Variants in MIA3 observed in about 807,000 individuals in gnomAD.
The protein encoded by MIA3 is transport and Golgi organization protein 1 homolog.
Under a neutral mutation model 192.4 loss-of-function variants are expected in MIA3, and 90 were observed. That is an observed-to-expected ratio of 0.47 (90% CI 0.39 to 0.56). The LOEUF is 0.56. MIA3 is among the 20% of genes least tolerant of loss of function. The pLI is 0.00. For synonymous variants in MIA3, 740 were observed against 792.8 expected, an observed-to-expected ratio of 0.93 and a Z score of 1.12; for missense variants, 2,123 against 2,269.4, an observed-to-expected ratio of 0.94 and a Z score of 1.31.
At chr1:222,654,092 T>A in intron 15 of MIA3, 151 bp from the exon 16 acceptor site, 1 of 689,440 alleles carries the variant, frequency 1.5e-6, no homozygotes, top group Middle Eastern at 4.1e-4. Flanking sequence ...AGTTTGCAGT[T>A]CTCTTAAAAG....
intron 6 of MIA3, chr1:222,641,465 C>T (rs1361872182): frequency 6.0e-6 from 3 of 497,826 alleles, no homozygotes; most frequent in Admixed American, 2.1e-5. Context: ...GCTGCTGAAT[C>T]GTCTGGCTCA....
intron 24 of MIA3, chr1:222,660,773 G>T: frequency 6.1e-6 from 1 of 162,614 alleles, no homozygotes; most frequent in Non-Finnish European, 1.3e-5. Flanking sequence ...TATGTATGTC[G>T]TGAATGCATA....
intron 5 of MIA3, 67 bp downstream of exon 5, chr1:222,632,393 T>G: frequency 7.3e-7 from 1 of 1,373,928 alleles, no homozygotes; most frequent in Non-Finnish European, 1.0e-6. Flanking sequence ...GGAGATTCAT[T>G]GTCAAAGGCA....
At chr1:222,654,548 AGCGGCTTCCT>A in intron 17 of MIA3, 69 bp downstream of exon 17, 1 of 1,555,160 alleles carries the variant, frequency 6.4e-7, no homozygotes, top group East Asian at 2.2e-5. Flanking sequence ...AAAGATAAAG[AGCGGCTTCCT>A]GCTTTCATAC....
At chr1:222,651,066 C>T (rs541126476) in intron 11 of MIA3, among the ~76,000 whole-genome samples, 163 bp downstream of exon 11, 2 of 152,244 alleles carry the variant, frequency 1.3e-5, no homozygotes, top group South Asian at 2.1e-4. Context: ...AGTACTTACA[C>T]AAGAAATTAT....
chr1:222,647,858 T>C (rs989779301), intron 7 of MIA3: 4 of 354,204 alleles, frequency 1.1e-5, no homozygotes, highest in Admixed American at 6.0e-5. Context: ...TCTGAATGCA[T>C]ATTCCTATAA....
chr1:222,633,072 CA>C (rs765283041), intron 5 of MIA3, 31 bp from the exon 6 acceptor site: 26 of 1,564,180 alleles, frequency 1.7e-5, no homozygotes, highest in Non-Finnish European at 2.0e-5. Flanking sequence ...TATTCTAAAG[CA>C]CAAAATGTCT....
chr1:222,618,116 T>C lies in MIA3; in HGVS notation c.6T>C (p.Ala2=). 6.8e-6 allele frequency: 10 copies of C among 1,473,108 alleles called. No homozygotes were observed. Among genetic ancestry groups the C allele is most frequent in the Non-Finnish European group, 9.0e-6 (10 of 1,113,224 alleles). 91.3% of individuals were successfully genotyped at this position (1,473,108 alleles called of 1,614,324 possible). A position where few individuals can be genotyped will look rare whatever the true frequency, so the allele number is the denominator to read the frequency against. The change falls in exon 1 of 28, where the codon GCT becomes GCC. Residue 2 remains alanine (A), a synonymous_variant. Transcript: ENST00000344922. M[A]AAPGLLVWLL... ...CTCCCCGAGGTGACCACAACATGGC[T>C]GCGGCGCCTGGGCTGCTCGTCTGGC...
In MIA3 at chr1:222,629,938, G is replaced by A; in HGVS notation, c.2718G>A (p.Trp906Ter). Residue 906 changes from tryptophan to a stop codon, truncating the protein, a stop_gained, in exon 4 of 28, where the codon TGG becomes TGA. Transcript: ENST00000344922. LOFTEE classifies it high-confidence loss of function. ...AACCTGAAGATGACTCGTTCCACTGGACTCCACATACAAGTGTAGAGCCAG... is the reference window on the plus strand; with the variant it reads ...AACCTGAAGATGACTCGTTCCACTGAACTCCACATACAAGTGTAGAGCCAG... ...AAEPEDDSFHWTPHTSVEPGH... is the reference protein window; with the variant it reads ...AAEPEDDSFH 1 of 1,614,100 alleles carries A rather than the reference G, an allele frequency of 6.2e-7. No homozygotes were observed. The highest frequency in any genetic ancestry group is 8.5e-7 in the Non-Finnish European group (1 of 1,180,012).
At chr1:222,648,873 T>C in intron 8 of MIA3, 23 bp downstream of exon 8, 1 of 1,403,446 alleles carries the variant, frequency 7.1e-7, no homozygotes, top group South Asian at 1.2e-5. Flanking sequence ...GCTTTTTTGT[T>C]ATTTGTACTA....
chr1:222,627,397 A>G (rs993443930), intron 3 of MIA3, among the ~76,000 whole-genome samples, 178 bp from the exon 4 acceptor site: 24 of 152,236 alleles, frequency 1.6e-4, no homozygotes, highest in Admixed American at 9.8e-4. Context: ...CAGATGGGAA[A>G]GTGGGTTCCA....
intron 18 of MIA3, among the ~76,000 whole-genome samples, chr1:222,655,894 T>G (rs1018633420): frequency 3.3e-5 from 5 of 152,064 alleles, no homozygotes; most frequent in African/African-American, 1.2e-4. Context: ...AGTCACTGTG[T>G]TAATTCAGGC....
rs374324994 is a variant in MIA3 at position 222,654,455 on chromosome 1, G to A, written c.4444G>A (p.Val1482Met). 3.9e-5 allele frequency: 63 copies of A among 1,613,252 alleles called. No individual in the cohort carries two copies. Among genetic ancestry groups the A allele is most frequent in the African/African-American group, 6.7e-5 (5 of 74,908 alleles). The change falls in exon 17 of 28, where the codon GTG (valine) becomes ATG (methionine). Residue 1482 changes from valine to methionine, a missense_variant. Coordinates refer to ENST00000344922, the MANE Select transcript of MIA3 (RefSeq NM_198551.4). Reference sequence around the variant, plus strand: ...TTTACAGCTTAAGCTAAGAGCCTCCGTGTCCACTAAATGTAACCTGGAAGG... The same window carrying A: ...TTTACAGCTTAAGCTAAGAGCCTCCATGTCCACTAAATGTAACCTGGAAGG... Reference protein sequence around the residue: ...KLLQLKLRASVSTKCNLEDQV... With the variant: ...KLLQLKLRASMSTKCNLEDQV...
chr1:222,660,228 A>T lies in MIA3; in HGVS notation c.5027A>T (p.Glu1676Val). 1 of 1,613,956 alleles carries T rather than the reference A, an allele frequency of 6.2e-7. No individual in the cohort carries two copies. The highest frequency in any genetic ancestry group is 8.5e-7 in the Non-Finnish European group (1 of 1,179,892). The change falls in exon 24 of 28, where the codon GAA (glutamate) becomes GTA (valine). Residue 1676 changes from glutamate to valine, a missense_variant. Transcript: ENST00000344922. ...GGCCCATCCCCTGTGAGTGGTGGAG[A>T]ATGCTCCCCTCCATTGACAGTGGAG... The part of the protein sequence containing the change: ...SFGPSPVSGG[E>V]CSPPLTVEPP...
rs200100305 is a variant in MIA3 at position 222,629,081 on chromosome 1, G to A, written c.1861G>A (p.Glu621Lys). 546 of 1,614,076 alleles carry A rather than the reference G, an allele frequency of 3.4e-4. No individual in the cohort carries two copies. Among genetic ancestry groups the A allele is most frequent in the Non-Finnish European group, 4.4e-4 (515 of 1,180,034 alleles). ...GCATCAACGTGAGGAATTGAAAGAGGAATTAGTTCTTAAAACTCAAAACCA... is the reference window on the plus strand; with the variant it reads ...GCATCAACGTGAGGAATTGAAAGAGAAATTAGTTCTTAAAACTCAAAACCA... Reference protein sequence around the residue: ...VEHQREELKEELVLKTQNQPR... With the variant: ...VEHQREELKEKLVLKTQNQPR... Residue 621 changes from glutamate (E) to lysine (K), a missense_variant, in exon 4 of 28, where the codon GAA (glutamate) becomes AAA (lysine). Glu to Lys is a moderately conservative substitution (Grantham distance 56). Coordinates refer to ENST00000344922, the MANE Select transcript of MIA3 (RefSeq NM_198551.4).
chr1:222,653,162 T>G, intron 14 of MIA3, 32 bp downstream of exon 14: 2 of 1,596,022 alleles, frequency 1.3e-6, no homozygotes, highest in Non-Finnish European at 1.7e-6. Context: ...AGCTTAATTC[T>G]TGTGAATTAT....
intron 19 of MIA3, 55 bp downstream of exon 19, chr1:222,658,878 T>A (rs900094219): frequency 4.2e-6 from 5 of 1,176,490 alleles, no homozygotes; most frequent in African/African-American, 1.5e-5. Context: ...GTGTTGGCTT[T>A]TTTTATTAGC....
At chr1:222,652,441 T>G (rs1349048670) in intron 13 of MIA3, 109 bp downstream of exon 13, 2 of 726,058 alleles carry the variant, frequency 2.8e-6, no homozygotes, top group African/African-American at 1.8e-5. Context: ...TGCAGGATTC[T>G]GTTCTTAGAT....
chr1:222,643,038 T>G (rs1486002195), intron 6 of MIA3, among the ~76,000 whole-genome samples: 1 of 152,224 alleles, frequency 6.6e-6, no homozygotes, highest in African/African-American at 2.4e-5. Flanking sequence ...TTGGGCAAGT[T>G]TTTTTGGTTT....
Sources: gnomAD v4.1 joint callset for allele counts (sites outside exome capture counted in the v4.1 genomes callset) on GRCh38, gnomAD v4.1.1 for gene constraint, MANE v1.5 for transcripts, NCBI Gene and HGNC (gene_info 2026-07-23, HGNC 2026-07-21) for gene names.